Variants in NDFIP1 observed in about 807,000 individuals in gnomAD.
NDFIP1 encodes the protein Nedd4 family interacting protein 1, also known as NEDD4 family-interacting protein 1.
A neutral mutation model predicts 28.8 loss-of-function variants in NDFIP1; 7 were observed. The ratio of observed to expected loss-of-function variants is 0.24; its 90% CI spans 0.14 to 0.46. The LOEUF (loss-of-function observed/expected upper bound fraction) is 0.46. Among genes scored for constraint, NDFIP1 ranks in the 20% least tolerant of loss-of-function variants. The probability of loss-of-function intolerance (pLI) is 0.99; values close to 1 mark genes in which losing one functional copy is unlikely to be tolerated. For synonymous variants in NDFIP1, 92 were observed against 101.0 expected (o/e 0.91, Z 0.53); for missense variants, 194 against 269.1 (o/e 0.72, Z 1.95).
At position 142,152,733 on chromosome 5, in the gene NDFIP1, CTG is replaced by C. The variant is rs1036441944; in HGVS notation, c.*1007_*1008del. 1 of 157,696 alleles carries C rather than the reference CTG, an allele frequency of 6.3e-6. No homozygotes were observed. Among genetic ancestry groups the C allele is most frequent in the African/African-American group, 2.4e-5 (1 of 41,466 alleles). 9.8% of individuals were successfully genotyped at this position (157,696 alleles called of 1,614,324 possible). The stretch of plus-strand genomic sequence containing the variant: ...TTCATCTTGGTTTGCTATGTTAAAA[CTG>C]TAAATACAACAGAACATTAATAAAT... On this transcript the variant is annotated 3_prime_UTR_variant, in exon 8 of 8. Coordinates refer to ENST00000253814, the MANE Select transcript of NDFIP1 (RefSeq NM_030571.4).
intron 5 of NDFIP1, among the ~76,000 whole-genome samples, chr5:142,139,810 G>C (rs891707815): frequency 6.6e-6 from 1 of 152,114 alleles, no homozygotes; most frequent in African/African-American, 2.4e-5. Flanking sequence ...TTGAGCCCAG[G>C]AGTTCAAATG....
rs1022363079 is a variant in NDFIP1 at position 142,152,563 on chromosome 5, G to A, written c.*835G>A. On this transcript the variant is annotated 3_prime_UTR_variant, in exon 8 of 8. Transcript: ENST00000253814. ...AGGCCAAAGTCTGGGAGTAAGGAGA[G>A]GATTAGGTACTTAGGAGCAAAGAAA... 6.8e-6 allele frequency: 1 copy of A among 148,042 alleles called. No individual in the cohort carries two copies. Among genetic ancestry groups the A allele is most frequent in the African/African-American group, 2.5e-5 (1 of 39,838 alleles). The allele number at this position is 148,042 out of a possible 1,614,324, so 9.2% of individuals were successfully genotyped here. A position where few individuals can be genotyped will look rare whatever the true frequency, so the allele number is the denominator to read the frequency against.
In NDFIP1 at chr5:142,135,735, G is replaced by C. The variant is rs1199223472; in HGVS notation, c.288G>C (p.Glu96Asp). 3.1e-6 allele frequency: 5 copies of C among 1,613,112 alleles called. No homozygotes were observed. Among genetic ancestry groups the C allele is most frequent in the Non-Finnish European group, 4.2e-6 (5 of 1,179,312 alleles). ...TTCTTTTTCTTTTCATTTAGGATGA[G>C]GATTTTGTGGGTCGGGATGATTTTG... ...ATIPLVPGRD[E>D]DFVGRDDFDD... The change falls in exon 4 of 8, where the codon GAG becomes GAC. Residue 96 changes from glutamate (E) to aspartate (D), a missense_variant. Physicochemically the swap from Glu to Asp is conservative, Grantham distance 45. Coordinates refer to ENST00000253814, the MANE Select transcript of NDFIP1 (RefSeq NM_030571.4).
At chr5:142,136,927 C>T (rs1442425531) in intron 4 of NDFIP1, among the ~76,000 whole-genome samples, 1 of 112,636 alleles carries the variant, frequency 8.9e-6, no homozygotes, top group Non-Finnish European at 1.9e-5. Flanking sequence ...AGCCGTTAGC[C>T]GGGCCTGGCG....
intron 7 of NDFIP1, among the ~76,000 whole-genome samples, chr5:142,148,221 A>C (rs1381266701): frequency 6.6e-6 from 1 of 152,232 alleles, no homozygotes; most frequent in Non-Finnish European, 1.5e-5. Context: ...AGTACAAATA[A>C]ACCAATCTTG....
chr5:142,124,839 T>C (rs1344680326), intron 1 of NDFIP1, among the ~76,000 whole-genome samples: 2 of 152,204 alleles, frequency 1.3e-5, no homozygotes, highest in Non-Finnish European at 2.9e-5. Context: ...ATTTTTTTTT[T>C]TTTGAGACGG....
chr5:142,115,884 A>G (rs187950018), intron 1 of NDFIP1, among the ~76,000 whole-genome samples: 1 of 152,360 alleles, frequency 6.6e-6, no homozygotes, highest in East Asian at 1.9e-4. Flanking sequence ...CCATACAATA[A>G]TAAATAATAG....
intron 7 of NDFIP1, among the ~76,000 whole-genome samples, chr5:142,151,204 T>G (rs1016479992): frequency 2.6e-5 from 4 of 152,262 alleles, no homozygotes; most frequent in Admixed American, 2.6e-4. Flanking sequence ...TTTAAAAGTA[T>G]TTGTGGTACC....
chr5:142,108,840 C>A lies in NDFIP1; in HGVS notation c.-135C>A. 1 of 669,710 alleles carries A rather than the reference C, an allele frequency of 1.5e-6. No individual in the cohort carries two copies. The highest frequency in any genetic ancestry group is 2.2e-6 in the Non-Finnish European group (1 of 457,122). The allele number at this position is 669,710 out of a possible 1,614,324, so 41.5% of individuals were successfully genotyped here. A position where few individuals can be genotyped will look rare whatever the true frequency, so the allele number is the denominator to read the frequency against. ...CTTACAGCCTGAGAAGAGCGTCTCG[C>A]CCGGGAGCGGCGGCGGCCATCGAGA... is the stretch of plus-strand genomic sequence containing the variant. On this transcript the variant is annotated 5_prime_UTR_variant, in exon 1 of 8. Coordinates refer to ENST00000253814, the MANE Select transcript of NDFIP1 (RefSeq NM_030571.4).
chr5:142,134,647 C>T, intron 3 of NDFIP1, among the ~76,000 whole-genome samples: 1 of 152,162 alleles, frequency 6.6e-6, no homozygotes, highest in East Asian at 1.9e-4. Flanking sequence ...AAGGAGCCCT[C>T]ATTGAACTGT....
rs1757117560 is a variant in NDFIP1, at chr5:142,121,028, G to T, written c.64-10780G>T. ...TCTCACTATCAGAGCTGAGCAGGCT[G>T]CAGTCAACATGCAAGCCTGGGTTCT... On this transcript the variant is annotated intron_variant, in intron 1 of 7. Transcript: ENST00000253814. Among the ~76,000 whole-genome samples the T allele has an allele frequency of 2.0e-5, 3 of 152,196 alleles. No homozygotes were observed. In the South Asian group the frequency reaches 6.2e-4, roughly 32 times the overall value.
chr5:142,138,264 T>C (rs1757294916), intron 5 of NDFIP1: 1 of 154,856 alleles, frequency 6.5e-6, no homozygotes, highest in African/African-American at 2.4e-5. Flanking sequence ...TTCTTTTCTT[T>C]TCTCCTTCTC....
chr5:142,139,141 A>G (rs1265095830), intron 5 of NDFIP1, among the ~76,000 whole-genome samples: 3 of 151,792 alleles, frequency 2.0e-5, no homozygotes, highest in East Asian at 1.9e-4. Flanking sequence ...AATGGCGTGA[A>G]CCCAGGAGGT....
intron 1 of NDFIP1, among the ~76,000 whole-genome samples, chr5:142,129,911 C>CAAAAAAAAA (rs749420090): frequency 1.6e-5 from 1 of 62,672 alleles, no homozygotes; most frequent in African/African-American, 5.1e-5. Flanking sequence ...AACTACATCT[C>CAAAAAAAAA]AAAAAAAAAA....
chr5:142,120,597 G>T lies in NDFIP1; in HGVS notation c.64-11211G>T, dbSNP rs78505983. 7.2e-3 allele frequency among the ~76,000 whole-genome samples: 1,089 copies of T among 152,226 alleles called. 9 individuals carry two copies. Among genetic ancestry groups the T allele is most frequent in the African/African-American group, 0.025 (1,039 of 41,520 alleles). On this transcript the variant is annotated intron_variant, in intron 1 of 7. Transcript: ENST00000253814. ...AAGAGGGTTTCAGGAGGAATAAGAG[G>T]CAACTGTCTAATCTTTAATTGGACA...
chr5:142,144,383 A>G (rs991464253), intron 6 of NDFIP1, 188 bp from the exon 7 acceptor site: 1 of 544,906 alleles, frequency 1.8e-6, no homozygotes, highest in African/African-American at 1.9e-5. Flanking sequence ...CTCTTACATT[A>G]TACCTTCTCA....
chr5:142,124,648 T>G (rs1221962211), intron 1 of NDFIP1, among the ~76,000 whole-genome samples: 1 of 152,202 alleles, frequency 6.6e-6, no homozygotes, highest in African/African-American at 2.4e-5. Flanking sequence ...TTTTAAAACA[T>G]TATTCTGATT....
intron 1 of NDFIP1, among the ~76,000 whole-genome samples, chr5:142,131,459 G>C (rs1335612233): frequency 1.3e-5 from 2 of 152,146 alleles, no homozygotes; most frequent in African/African-American, 4.8e-5. Context: ...ATTTTTAGTA[G>C]AGATTGGGTT....
At chr5:142,134,737 G>C (rs1757257392) in intron 3 of NDFIP1, among the ~76,000 whole-genome samples, 1 of 152,102 alleles carries the variant, frequency 6.6e-6, no homozygotes, top group African/African-American at 2.4e-5. Context: ...TAAAAAGATA[G>C]CCCACATGTG....
Sources: gnomAD v4.1 joint callset for allele counts (sites outside exome capture counted in the v4.1 genomes callset) on GRCh38, gnomAD v4.1.1 for gene constraint, MANE v1.5 for transcripts, NCBI Gene and HGNC (gene_info 2026-07-23, HGNC 2026-07-21) for gene names.